TRAF3IP2: variants seen among roughly 807,000 people sequenced by gnomAD.
The protein encoded by TRAF3IP2 is E3 ubiquitin ligase TRAF3IP2.
TRAF3IP2 carries 35 observed loss-of-function variants against 57.9 expected under a neutral mutation model. That is an observed-to-expected ratio of 0.60 (90% CI 0.46 to 0.80). The LOEUF is 0.80. TRAF3IP2 is among the 30% of genes least tolerant of loss of function. The probability of loss-of-function intolerance (pLI) is 0.00; values close to 1 mark genes in which losing one functional copy is unlikely to be tolerated. For synonymous variants in TRAF3IP2, 251 were observed against 268.9 expected (o/e 0.93, Z 0.65); for missense variants, 556 against 706.4 (o/e 0.79, Z 2.41).
intron 1 of TRAF3IP2, chr6:111,601,350 C>A: frequency 1.8e-6 from 1 of 540,944 alleles, no homozygotes; most frequent in Non-Finnish European, 3.4e-6. Context: ...GACTGGATCT[C>A]ATTAAATTTT....
At chr6:111,596,976 C>A (rs1005866478) in intron 1 of TRAF3IP2, among the ~76,000 whole-genome samples, 2 of 152,118 alleles carry the variant, frequency 1.3e-5, no homozygotes, top group African/African-American at 2.4e-5. Context: ...AGTAGGTGCT[C>A]AATAAAGATT....
At chr6:111,597,861 G>A (rs1341698283) in intron 1 of TRAF3IP2, 11 of 455,680 alleles carry the variant, frequency 2.4e-5, no homozygotes, top group South Asian at 1.5e-5. Flanking sequence ...TTACGTGCTT[G>A]TAACTCTGGC....
intron 2 of TRAF3IP2, among the ~76,000 whole-genome samples, chr6:111,590,819 T>C (rs944075208): frequency 6.6e-6 from 1 of 152,112 alleles, no homozygotes; most frequent in South Asian, 2.1e-4. Flanking sequence ...CACCTTCTGG[T>C]TTTTTGTTTT....
intron 7 of TRAF3IP2, among the ~76,000 whole-genome samples, chr6:111,564,831 G>T (rs1172731087): frequency 2.6e-5 from 4 of 152,284 alleles, no homozygotes. Context: ...TTAGGAACTG[G>T]CTGAGGCCTC....
intron 7 of TRAF3IP2, among the ~76,000 whole-genome samples, chr6:111,564,625 A>G (rs985706327): frequency 6.6e-6 from 1 of 152,226 alleles, no homozygotes; most frequent in Non-Finnish European, 1.5e-5. Context: ...GAAGTCAGCC[A>G]GGCAGTCAGG....
Position 111,591,448 on chromosome 6 carries a change from T to C in TRAF3IP2, c.639A>G (p.Glu213=). The C allele has an allele frequency of 2.5e-6, 4 of 1,588,318 alleles. No individual in the cohort carries two copies. The highest frequency in any genetic ancestry group is 3.4e-6 in the Non-Finnish European group (4 of 1,165,866). The change falls in exon 2 of 9, where the codon GAA becomes GAG. Residue 213 remains glutamate (E), a synonymous_variant. Coordinates refer to ENST00000368761, the MANE Select transcript of TRAF3IP2 (RefSeq NM_147686.4). The surrounding 1 kb of genome is among the most constrained non-coding windows in gnomAD (Gnocchi z 4.9). ...PQDVLGIRQL[E]RPLPLTSVCY... ...ACACGGAGGTGAGGGGCAGGGGCCT[T>C]TCCAGCTGCCTGATGCCCAGGACAT... is the stretch of plus-strand genomic sequence containing the variant.
chr6:111,568,432 AGT>A (rs58088162), intron 5 of TRAF3IP2, among the ~76,000 whole-genome samples: 4,178 of 146,022 alleles, frequency 0.029, 66 homozygotes, highest in Middle Eastern at 0.055. Context: ...TATACTGCAG[AGT>A]GTGTGTGTGT....
At chr6:111,602,895 G>A (rs1796915992) in intron 1 of TRAF3IP2, among the ~76,000 whole-genome samples, 1 of 152,174 alleles carries the variant, frequency 6.6e-6, no homozygotes, top group Non-Finnish European at 1.5e-5. Context: ...TGGGGTGCGA[G>A]GAGAGGGGCA....
chr6:111,592,961 C>T (rs780183246), intron 1 of TRAF3IP2, among the ~76,000 whole-genome samples: 26 of 152,126 alleles, frequency 1.7e-4, no homozygotes, highest in Non-Finnish European at 3.2e-4. Flanking sequence ...GCCTGCAGAG[C>T]ATTTATCCAA....
intron 5 of TRAF3IP2, chr6:111,572,587 G>A (rs1333681283): frequency 7.5e-6 from 2 of 267,808 alleles, no homozygotes; most frequent in Non-Finnish European, 1.4e-5. Flanking sequence ...GGTACAAAGT[G>A]CAGCAAGAGC....
chr6:111,591,697 C>A lies in TRAF3IP2; in HGVS notation c.390G>T (p.Gln130His). The change falls in exon 2 of 9, where the codon CAG becomes CAT. Residue 130 changes from glutamine (Q) to histidine (H), a missense_variant. Gln to His is a conservative substitution (Grantham distance 24). Around this residue, in one of 2 missense-constraint regions of TRAF3IP2, gnomAD observed 428 missense variants for 498.7 expected, o/e 0.86. Coordinates refer to ENST00000368761, the MANE Select transcript of TRAF3IP2 (RefSeq NM_147686.4). The surrounding 1 kb of genome is among the most constrained non-coding windows in gnomAD (Gnocchi z 4.9). The stretch of plus-strand genomic sequence containing the variant: ...GATTACGTTTTTCCATAAATGAAAA[C>A]TGATGCTCTGCAGGGAGGGCTCCAA... ...SVVGALPAEH[Q>H]FSFMEKRNQW... 6.2e-7 allele frequency: 1 copy of A among 1,614,244 alleles called. No homozygotes were observed. The highest frequency in any genetic ancestry group is 8.5e-7 in the Non-Finnish European group (1 of 1,180,044).
At chr6:111,589,812 T>C (rs1210870818) in intron 2 of TRAF3IP2, among the ~76,000 whole-genome samples, 1 of 152,256 alleles carries the variant, frequency 6.6e-6, no homozygotes, top group Non-Finnish European at 1.5e-5. Flanking sequence ...AATTACTGTG[T>C]TGCTCTCTTC....
At chr6:111,574,102 T>C (rs1296696978) in intron 4 of TRAF3IP2, 1 of 152,240 alleles carries the variant, frequency 6.6e-6, no homozygotes, top group Non-Finnish European at 1.5e-5. Context: ...CTATAATGTA[T>C]GTGGGGCAGC....
In TRAF3IP2 at chr6:111,591,800, C is replaced by T. The variant is rs1415641013; in HGVS notation, c.287G>A (p.Cys96Tyr). The T allele has an allele frequency of 1.2e-6, 2 of 1,614,144 alleles. No individual in the cohort carries two copies. The highest frequency in any genetic ancestry group is 2.7e-5 in the African/African-American group (2 of 74,942). Residue 96 changes from cysteine to tyrosine, a missense_variant, in exon 2 of 9, where the codon TGC becomes TAC. Cys to Tyr is a radical substitution (Grantham distance 194). Coordinates refer to ENST00000368761, the MANE Select transcript of TRAF3IP2 (RefSeq NM_147686.4). The surrounding 1 kb of genome is among the most constrained non-coding windows in gnomAD (Gnocchi z 4.9). Reference sequence around the variant, plus strand: ...TTTGCCCAGGCCTGGGTGTCTCCTGCAGAAACTGTCTTCACTGTCCTCCAG... The same window carrying T: ...TTTGCCCAGGCCTGGGTGTCTCCTGTAGAAACTGTCTTCACTGTCCTCCAG... ...QVLEDSEDSF[C>Y]RRHPGLGKAF... is the part of the protein sequence containing the mutation.
At chr6:111,572,384 A>T (rs562801115) in intron 5 of TRAF3IP2, among the ~76,000 whole-genome samples, 15 of 152,314 alleles carry the variant, frequency 9.8e-5, no homozygotes, top group African/African-American at 3.6e-4. Flanking sequence ...CAGAAGCATC[A>T]CTGCGTCAAG....
In TRAF3IP2 at chr6:111,557,147, A is replaced by AAACG. The variant is rs1325881198; in HGVS notation, c.*2254_*2257dup. ...TCTCAAAAAAAAGAAAAAAAAAACA[A>AAACG]AACGGTGGACTGTCTTGTAGCACAA... On this transcript the variant is annotated 3_prime_UTR_variant, in exon 9 of 9. Coordinates refer to ENST00000368761, the MANE Select transcript of TRAF3IP2 (RefSeq NM_147686.4). The AAACG allele has an allele frequency of 1.3e-5, 2 of 152,260 alleles. No homozygotes were observed. The highest frequency in any genetic ancestry group is 4.8e-5 in the African/African-American group (2 of 41,418). 9.4% of individuals were successfully genotyped at this position (152,260 alleles called of 1,614,324 possible).
Position 111,586,834 on chromosome 6 carries a change from G to T in TRAF3IP2, c.829+4424C>A, listed in dbSNP as rs560149884. Among the ~76,000 whole-genome samples the T allele has an allele frequency of 2.0e-5, 3 of 152,312 alleles. No homozygotes were observed. In the East Asian group the frequency reaches 5.8e-4, roughly 29 times the overall value. On this transcript the variant is annotated intron_variant, in intron 2 of 8. Transcript: ENST00000368761. ...ATGAATGCTTAAAATCTGTGCCAGT[G>T]AGTGGGATCTGGAAGTAGAGGAGCA...
intron 1 of TRAF3IP2, among the ~76,000 whole-genome samples, chr6:111,603,407 T>A (rs577241066): frequency 6.6e-6 from 1 of 152,360 alleles, no homozygotes; most frequent in South Asian, 2.1e-4. Flanking sequence ...TCATTGGATC[T>A]GAAAGGAATT....
rs1438839863 is a variant in TRAF3IP2 at position 111,580,340 on chromosome 6, A to G, written c.879T>C (p.Ala293=). Residue 293 remains alanine, a synonymous_variant, in exon 3 of 9, where the codon GCT becomes GCC. Transcript: ENST00000368761. ...RAAYQQVIQP[A]LPGQPLPGAS... Reference sequence around the variant, plus strand: ...CTCCAGGCAGGGGCTGCCCAGGCAGAGCCGGCTGGATCACTTGCTGGTAGG... The same window carrying G: ...CTCCAGGCAGGGGCTGCCCAGGCAGGGCCGGCTGGATCACTTGCTGGTAGG... 1 of 1,596,036 alleles carries G rather than the reference A, an allele frequency of 6.3e-7. No individual in the cohort carries two copies. The highest frequency in any genetic ancestry group is 1.1e-5 in the South Asian group (1 of 88,260).
Sources: gnomAD v4.1 joint callset for allele counts (sites outside exome capture counted in the v4.1 genomes callset) on GRCh38, gnomAD v4.1.1 for gene constraint, gnomAD v4.1.1 regional missense constraint, Gnocchi (gnomAD v3.1) non-coding constraint, MANE v1.5 for transcripts, NCBI Gene and HGNC (gene_info 2026-07-23, HGNC 2026-07-21) for gene names.